The following TRMT11 variants were observed in gnomAD, a reference collection of about 807,000 sequenced individuals.
The protein encoded by TRMT11 is tRNA methyltransferase 11, also known as tRNA (guanine(10)-N(2))-methyltransferase TRMT11.
TRMT11 carries 53 observed loss-of-function variants against 62.8 expected under a neutral mutation model. The ratio of observed to expected loss-of-function variants is 0.84; its 90% CI spans 0.68 to 1.06. The LOEUF is 1.06. Ranked by LOEUF, TRMT11 falls within the 50% of genes least tolerant of loss-of-function variation. TRMT11 has a pLI of 0.00. For synonymous variants in TRMT11, 188 were observed against 190.3 expected (o/e 0.99, Z 0.10); for missense variants, 556 against 553.4 (o/e 1.00, Z -0.05).
At chr6:126,240,695 C>T in the TRMT11 span, among the ~76,000 whole-genome samples, 205 of 152,328 alleles carry the variant, frequency 1.3e-3, 1 homozygote, top group Admixed American at 4.2e-3. Context: ...ATTCTCAGGT[C>T]TCTAGCTGTG....
At chr6:126,194,852 T>G (rs759737234) in intron 1 of TRMT11, among the ~76,000 whole-genome samples, 3 of 152,220 alleles carry the variant, frequency 2.0e-5, no homozygotes, top group African/African-American at 2.4e-5. Context: ...TAGTAGCTCA[T>G]GCCTTTAATC....
At chr6:126,011,802 CA>C (rs1032411373) in intron 9 of TRMT11, among the ~76,000 whole-genome samples, 38 of 152,230 alleles carry the variant, frequency 2.5e-4, no homozygotes, top group African/African-American at 8.7e-4. Context: ...AAATTTTGAA[CA>C]GAGTTTCAGA....
intron 17 of TRMT11, among the ~76,000 whole-genome samples, chr6:126,066,850 C>A (rs772561083): frequency 6.6e-5 from 10 of 151,728 alleles, no homozygotes; most frequent in Non-Finnish European, 1.5e-4. Flanking sequence ...TGGATTTTAG[C>A]CACAGTGAAA....
At chr6:126,189,197 G>C (rs748693423) in intron 1 of TRMT11, among the ~76,000 whole-genome samples, 1 of 152,092 alleles carries the variant, frequency 6.6e-6, no homozygotes, top group South Asian at 2.1e-4. Context: ...TTAAATGCAG[G>C]ATAATTGCTT....
chr6:126,145,077 A>T (rs908634955), intron 21 of TRMT11, among the ~76,000 whole-genome samples: 3 of 152,172 alleles, frequency 2.0e-5, no homozygotes, highest in African/African-American at 4.8e-5. Context: ...GGAAGAAAAT[A>T]GGTGTGATTT....
chr6:126,267,404 T>C, the TRMT11 span, among the ~76,000 whole-genome samples: 1 of 152,188 alleles, frequency 6.6e-6, no homozygotes, highest in Non-Finnish European at 1.5e-5. Flanking sequence ...TCTGGTCCAA[T>C]ATGGGCCACC....
At chr6:126,236,392 G>T in the TRMT11 span, among the ~76,000 whole-genome samples, 1 of 151,938 alleles carries the variant, frequency 6.6e-6, no homozygotes, top group African/African-American at 2.4e-5. Flanking sequence ...ACCTTGTATT[G>T]ATCCTTTATG....
chr6:125,986,613 C>T lies in TRMT11; in HGVS notation c.63C>T (p.Phe21=), dbSNP rs771758935. The T allele has an allele frequency of 6.3e-7, 1 of 1,577,858 alleles. No homozygotes were observed. The highest frequency in any genetic ancestry group is 1.2e-5 in the South Asian group (1 of 86,236). The change falls in exon 1 of 13, where the codon TTC becomes TTT. Residue 21 remains phenylalanine (F), a synonymous_variant. Transcript: ENST00000334379. ...LLLMAQEHLE[F]RLPEIKSLLL... The stretch of plus-strand genomic sequence containing the variant: ...TCATGGCGCAGGAGCATCTGGAGTT[C>T]CGCCTGCCGGTGAGTCCGTAGCGCC...
intron 1 of TRMT11, among the ~76,000 whole-genome samples, chr6:126,187,905 A>G (rs912523354): frequency 7.6e-6 from 1 of 131,660 alleles, no homozygotes; most frequent in African/African-American, 4.5e-5. Context: ...TGGCAATGGA[A>G]CAATTCACTA....
At chr6:126,146,685 T>G (rs1777979001) in intron 21 of TRMT11, among the ~76,000 whole-genome samples, 1 of 152,018 alleles carries the variant, frequency 6.6e-6, no homozygotes, top group Admixed American at 6.6e-5. Flanking sequence ...CCCCGCTAAT[T>G]TCTTGTATTT....
chr6:126,261,004 A>G, the TRMT11 span, among the ~76,000 whole-genome samples: 1 of 152,142 alleles, frequency 6.6e-6, no homozygotes, highest in African/African-American at 2.4e-5. Flanking sequence ...CTATTATTTC[A>G]TTAAATAGGT....
chr6:126,171,812 G>A (rs1211082057), intron 21 of TRMT11, among the ~76,000 whole-genome samples: 3 of 151,428 alleles, frequency 2.0e-5, no homozygotes, highest in Non-Finnish European at 2.9e-5. Context: ...TCTGCCTCCC[G>A]GCTTCAAACG....
At chr6:126,199,862 A>T (rs1225623620) in exon 3 of TRMT11, 1 of 152,220 alleles carries the variant, frequency 6.6e-6, no homozygotes, top group African/African-American at 2.4e-5. Context: ...AGACCTCATC[A>T]GTGGTGATAG....
chr6:126,258,789 T>TA, the TRMT11 span, among the ~76,000 whole-genome samples: 1 of 152,216 alleles, frequency 6.6e-6, no homozygotes, highest in Non-Finnish European at 1.5e-5. Context: ...TTCTCAATTT[T>TA]GTTTTTTTAA....
intron 1 of TRMT11, among the ~76,000 whole-genome samples, chr6:126,182,836 C>T (rs1380002658): frequency 6.6e-6 from 1 of 152,108 alleles, no homozygotes; most frequent in African/African-American, 2.4e-5. Flanking sequence ...TTTTGACCCT[C>T]AGATCACCTT....
In TRMT11 at chr6:126,156,648, G is replaced by C. The variant is rs145554317; in HGVS notation, c.*1824-18177G>C. On this transcript the variant is annotated intron_variant and NMD_transcript_variant, in intron 21 of 22. Transcript: ENST00000648977. Reference sequence around the variant, plus strand: ...CTGTACAAGCATGGCTCCAGCATCTGCTTCTGGTGAGGGCCGTCATGGTGG... The same window carrying C: ...CTGTACAAGCATGGCTCCAGCATCTCCTTCTGGTGAGGGCCGTCATGGTGG... Among the ~76,000 whole-genome samples, 739 of 152,328 alleles carry C rather than the reference G, an allele frequency of 4.9e-3. 6 individuals are homozygous for C. The highest frequency in any genetic ancestry group is 0.017 in the African/African-American group (691 of 41,572).
chr6:126,117,782 A>G (rs180853766), intron 21 of TRMT11, among the ~76,000 whole-genome samples: 2 of 152,106 alleles, frequency 1.3e-5, no homozygotes, highest in African/African-American at 4.8e-5. Context: ...ACTGAATAGT[A>G]GAAATATCAC....
intron 21 of TRMT11, among the ~76,000 whole-genome samples, chr6:126,155,652 G>T (rs772877332): frequency 6.6e-6 from 1 of 152,178 alleles, no homozygotes; most frequent in East Asian, 1.9e-4. Flanking sequence ...TATCTCAAAA[G>T]GGACAAACTG....
intron 17 of TRMT11, among the ~76,000 whole-genome samples, chr6:126,095,308 A>T (rs143625652): frequency 6.6e-6 from 1 of 152,202 alleles, no homozygotes; most frequent in Non-Finnish European, 1.5e-5. Context: ...CTCCTCAGCT[A>T]TATTGCCTAC....
Sources: allele counts gnomAD v4.1 joint callset (sites outside exome capture counted in the v4.1 genomes callset), GRCh38; gene constraint gnomAD v4.1.1; transcripts MANE v1.5; gene names NCBI Gene and HGNC (gene_info 2026-07-23, HGNC 2026-07-21).